The following NR4A1 variants were observed in gnomAD, a reference collection of about 807,000 sequenced individuals.
The protein encoded by NR4A1 is nuclear receptor subfamily 4immunitygroup A member 1.
A neutral mutation model predicts 47.5 loss-of-function variants in NR4A1; 24 were observed. The observed-to-expected ratio is 0.50, with a 90% CI of 0.37 to 0.71. The LOEUF (loss-of-function observed/expected upper bound fraction) is 0.71. Ranked by LOEUF, NR4A1 falls within the 30% of genes least tolerant of loss-of-function variation. The pLI, the probability that NR4A1 is intolerant of heterozygous loss-of-function variation, is 0.00. For missense variants in NR4A1, 669 were observed against 788.6 expected (o/e 0.85, Z 1.82); for synonymous variants, 353 against 345.7 (o/e 1.02, Z -0.24).
At chr12:52,041,773 T>G in intron 1 of NR4A1, 1 of 1,275,666 alleles carries the variant, frequency 7.8e-7, no homozygotes, top group African/African-American at 1.5e-5. Context: ...GCCTGCTGGC[T>G]GGTTTCTCTT....
chr12:52,044,673 T>C (rs1938566219), intron 2 of NR4A1, among the ~76,000 whole-genome samples: 1 of 152,156 alleles, frequency 6.6e-6, no homozygotes, highest in Admixed American at 6.5e-5. Flanking sequence ...TCAGAGAGTT[T>C]TTATTTTGGA....
chr12:52,028,896 C>A (rs1425165517), intron 1 of NR4A1, among the ~76,000 whole-genome samples: 1 of 152,110 alleles, frequency 6.6e-6, no homozygotes, highest in Non-Finnish European at 1.5e-5. Flanking sequence ...AAGCGAGACT[C>A]CATTTTAAAA....
chr12:52,038,072 CT>C (rs1299036114), intron 1 of NR4A1: 843 of 722,978 alleles, frequency 1.2e-3, no homozygotes, highest in Middle Eastern at 1.4e-3. Flanking sequence ...CCCCCCCTTT[CT>C]TTTTTTTTTG....
chr12:52,058,765 G>A lies in NR4A1; in HGVS notation c.1618G>A (p.Ala540Thr). The A allele has an allele frequency of 6.2e-7, 1 of 1,612,744 alleles. No homozygotes were observed. The highest frequency in any genetic ancestry group is 1.7e-5 in the Admixed American group (1 of 59,998). The stretch of plus-strand genomic sequence containing the variant: ...CGCCAGCTGCCTGAAGGAGCACGTG[G>A]CAGCTGTGGCGGGCGAGCCCCAGCC... ...RIASCLKEHV[A>T]AVAGEPQPAS... Residue 540 changes from alanine (A) to threonine (T), a missense_variant, in exon 7 of 7, where the codon GCA becomes ACA. Transcript: ENST00000394825.
At chr12:52,033,711 G>A (rs973921145) in intron 1 of NR4A1, among the ~76,000 whole-genome samples, 2 of 152,230 alleles carry the variant, frequency 1.3e-5, no homozygotes, top group African/African-American at 4.8e-5. Context: ...ACAGCCCCAG[G>A]AAGACCCGTC....
intron 2 of NR4A1, among the ~76,000 whole-genome samples, chr12:52,043,014 C>T (rs1378151112): frequency 1.3e-5 from 2 of 152,112 alleles, no homozygotes; most frequent in African/African-American, 2.4e-5. Context: ...TGCAGAGAGC[C>T]CCAGAGAGGT....
At chr12:52,037,849 C>G in intron 1 of NR4A1, 1 of 984,594 alleles carries the variant, frequency 1.0e-6, no homozygotes. Context: ...CTGGGGGTCT[C>G]GTGGAGTCAG....
At chr12:52,055,344 G>T in intron 2 of NR4A1, 140 bp downstream of exon 2, 1 of 1,147,602 alleles carries the variant, frequency 8.7e-7, no homozygotes, top group Non-Finnish European at 1.2e-6. Flanking sequence ...CTGCCAGGTG[G>T]GCCGCCTTCC....
Position 52,054,557 on chromosome 12 carries a change from C to T in NR4A1, c.229C>T (p.Pro77Ser), listed in dbSNP as rs747598480. 14 of 1,614,118 alleles carry T rather than the reference C, an allele frequency of 8.7e-6. No homozygotes were observed. The South Asian group carries it at 1.5e-4, about 18-fold the overall frequency. ...FLYQLPGTVQPCSSASSSASS... is the reference protein window; with the variant it reads ...FLYQLPGTVQSCSSASSSASS... ...CTACCAGCTGCCAGGAACAGTCCAG[C>T]CATGCTCCTCAGCCTCCTCCTCGGC... Residue 77 changes from proline to serine, a missense_variant, in exon 2 of 7, where the codon CCA becomes TCA. Coordinates refer to ENST00000394825, the MANE Select transcript of NR4A1 (RefSeq NM_173157.3).
intron 1 of NR4A1, among the ~76,000 whole-genome samples, chr12:52,025,225 A>C (rs928599271): frequency 6.6e-6 from 1 of 151,776 alleles, no homozygotes; most frequent in Non-Finnish European, 1.5e-5. Flanking sequence ...ACGCCCGGCT[A>C]ATTTGTCATA....
At chr12:52,033,094 G>T (rs1187879650) in intron 1 of NR4A1, among the ~76,000 whole-genome samples, 1 of 152,212 alleles carries the variant, frequency 6.6e-6, no homozygotes, top group Non-Finnish European at 1.5e-5. Flanking sequence ...CTGCGCCGCC[G>T]GGTGAGGTAA....
At chr12:52,024,472 G>A (rs1056039026) in intron 1 of NR4A1, among the ~76,000 whole-genome samples, 1 of 152,210 alleles carries the variant, frequency 6.6e-6, no homozygotes, top group Non-Finnish European at 1.5e-5. Flanking sequence ...CAAGGCCGGA[G>A]GATCTCTTGA....
exon 2 of NR4A1, chr12:52,041,898 G>T (rs1938453506): frequency 2.0e-6 from 3 of 1,521,742 alleles, no homozygotes; most frequent in Non-Finnish European, 2.6e-6. Context: ...GGATAATGTG[G>T]TTGGCCAAGG....
At chr12:52,048,380 G>T (rs576100425), upstream of NR4A1, among the ~76,000 whole-genome samples, 1 of 151,848 alleles carries the variant, frequency 6.6e-6, no homozygotes, top group African/African-American at 2.4e-5. Context: ...AGATCACAAG[G>T]TCAGGAGATC....
In NR4A1 at chr12:52,038,532, T is replaced by C. The variant is rs78575430; in HGVS notation, c.-83-3278T>C. Reference sequence around the variant, plus strand: ...GAGGTTGGTAGGTTCACAACAGTTATGCCCACTGGGTGCTGATGGATTTGG... The same window carrying C: ...GAGGTTGGTAGGTTCACAACAGTTACGCCCACTGGGTGCTGATGGATTTGG... On this transcript the variant is annotated intron_variant, in intron 1 of 7. Transcript: ENST00000360284. The C allele has an allele frequency of 7.6e-3, 4,480 of 590,472 alleles. 138 individuals carry two copies. The highest frequency in any genetic ancestry group is 0.076 in the Admixed American group (2,821 of 37,286). 36.6% of individuals were successfully genotyped at this position (590,472 alleles called of 1,614,324 possible). A position where few individuals can be genotyped will look rare whatever the true frequency, so the allele number is the denominator to read the frequency against.
intron 6 of NR4A1, 113 bp from the exon 7 acceptor site, chr12:52,058,575 G>A: frequency 1.5e-6 from 2 of 1,361,926 alleles, no homozygotes; most frequent in South Asian, 1.5e-5. Flanking sequence ...TTTGTGAAGT[G>A]CCAGCAGAGC....
chr12:52,059,195 C>T lies in NR4A1; in HGVS notation c.*251C>T. On this transcript the variant is annotated 3_prime_UTR_variant, in exon 7 of 7. Transcript: ENST00000394825. ...GCCTTTATGTTTTTTGTAAGATAAA[C>T]CGTTTTTAACACATAGCGCCGTGCT... The T allele has an allele frequency of 1.9e-6, 1 of 538,350 alleles. No homozygotes were observed. Among genetic ancestry groups the T allele is most frequent in the East Asian group, 3.2e-5 (1 of 31,340 alleles). The allele number at this position is 538,350 out of a possible 1,614,324, so 33.3% of individuals were successfully genotyped here. A position where few individuals can be genotyped will look rare whatever the true frequency, so the allele number is the denominator to read the frequency against.
Position 52,058,825 on chromosome 12 carries a change from CCCG to C in NR4A1, c.1679_1681del (p.Pro560_Glu561delinsGln). ...CCTGTCACGTCTGTTGGGCAAACTG[CCCG>C]AGCTGCGGACCCTGTGCACCCAGGG... On this transcript the variant is annotated inframe_deletion, in exon 7 of 7. Coordinates refer to ENST00000394825, the MANE Select transcript of NR4A1 (RefSeq NM_173157.3). The C allele has an allele frequency of 6.2e-7, 1 of 1,613,924 alleles. No individual in the cohort carries two copies. Among genetic ancestry groups the C allele is most frequent in the Non-Finnish European group, 8.5e-7 (1 of 1,180,000 alleles).
At chr12:52,048,400 C>T (rs541464232), upstream of NR4A1, among the ~76,000 whole-genome samples, 6 of 152,078 alleles carry the variant, frequency 3.9e-5, no homozygotes, top group South Asian at 4.2e-4. Context: ...CAAGACCATC[C>T]TGGCTAACAC....
Sources: gnomAD v4.1 joint callset for allele counts (sites outside exome capture counted in the v4.1 genomes callset) on GRCh38, gnomAD v4.1.1 for gene constraint, MANE v1.5 for transcripts, NCBI Gene and HGNC (gene_info 2026-07-23, HGNC 2026-07-21) for gene names.